PLEC: variants seen among roughly 807,000 people sequenced by gnomAD.
PLEC encodes plectin, also known as hemidesmosomal protein 1.
PLEC carries 216 observed loss-of-function variants against 392.8 expected under a neutral mutation model. That is an observed-to-expected ratio of 0.55 (90% confidence interval 0.49 to 0.62). The LOEUF (loss-of-function observed/expected upper bound fraction) is 0.62, where lower values mean the gene tolerates loss of function less well. Among genes scored for constraint, PLEC ranks in the 20% least tolerant of loss-of-function variants. PLEC has a pLI of 0.00. For synonymous variants in PLEC, 3,621 were observed against 2,980.6 expected, an observed-to-expected ratio of 1.21 and a Z score of -7.00; for missense variants, 6,863 against 6,563.4, an observed-to-expected ratio of 1.05 and a Z score of -1.58.
chr8:143,931,813 G>A, intron 18 of PLEC, 124 bp downstream of exon 18: 1 of 1,435,634 alleles, frequency 7.0e-7, no homozygotes, highest in Non-Finnish European at 9.6e-7. Flanking sequence ...CCCCGGTCAG[G>A]CTGCAGGCAG....
At chr8:143,958,837 AC>A, upstream of PLEC, 1 of 269,552 alleles carries the variant, frequency 3.7e-6, no homozygotes, top group Non-Finnish European at 7.9e-6. The surrounding 1 kb of genome is among the most constrained non-coding windows in gnomAD (Gnocchi z 4.9). Flanking sequence ...CTCACCCAGC[AC>A]CAGACACGAA....
chr8:143,932,255 C>T (rs1827545755), intron 16 of PLEC, 21 bp from the exon 17 acceptor site: 2 of 1,611,244 alleles, frequency 1.2e-6, no homozygotes, highest in African/African-American at 2.7e-5. Context: ...AGCAAAGGGT[C>T]TCAGGGACGG....
At position 143,933,890 on chromosome 8, in the gene PLEC, C is replaced by T. The variant is rs1828137843; in HGVS notation, c.1263+108G>A. The T allele has an allele frequency of 3.1e-6, 3 of 971,906 alleles. No homozygotes were observed. The East Asian group carries it at 7.9e-5, about 25-fold the overall frequency. 60.2% of individuals were successfully genotyped at this position (971,906 alleles called of 1,614,324 possible). On this transcript the variant is annotated intron_variant, in intron 12 of 31. Coordinates refer to ENST00000345136, the MANE Select transcript of PLEC (RefSeq NM_201384.3). The stretch of plus-strand genomic sequence containing the variant: ...ACATGCCCCGCCCCTGCCCCTGCCC[C>T]TGCCCCAGGAGCCCAGGGGGACAGC...
In PLEC at chr8:143,971,606, CAG is replaced by C. The variant is rs1833434960; in HGVS notation, c.70+1795_70+1796del. 2.0e-5 allele frequency among the ~76,000 whole-genome samples: 3 copies of C among 152,318 alleles called. 1 individual carries two copies. In the South Asian group the frequency reaches 6.2e-4, roughly 32 times the overall value. On this transcript the variant is annotated intron_variant, in intron 1 of 31. Transcript: ENST00000356346. ...AGCCTTGGTCCGTGGCTCCCAGACA[CAG>C]GTACCAGCCCAGCCCCTCCCGTCCC...
rs1554680235 is a variant in PLEC at position 143,920,022 on chromosome 8, G to A, written c.9799C>T (p.Arg3267Trp). Residue 3267 changes from arginine to tryptophan, a missense_variant, in exon 32 of 32, where the codon CGG (arginine) becomes TGG (tryptophan). Coordinates refer to ENST00000345136, the MANE Select transcript of PLEC (RefSeq NM_201384.3). ...ISSEYFTAEQRQELLRQFRTG... is the reference protein window; with the variant it reads ...ISSEYFTAEQWQELLRQFRTG... Reference sequence around the variant, plus strand: ...CGGAACTGACGCAACAGCTCCTGCCGCTGCTCCGCAGTGAAGTACTCAGAG... The same window carrying A: ...CGGAACTGACGCAACAGCTCCTGCCACTGCTCCGCAGTGAAGTACTCAGAG... The A allele has an allele frequency of 5.0e-6, 8 of 1,613,232 alleles. No individual in the cohort carries two copies. The South Asian group carries it at 6.6e-5, about 13-fold the overall frequency.
At chr8:143,942,449 C>T (rs782528752), upstream of PLEC, 7 of 1,602,800 alleles carry the variant, frequency 4.4e-6, no homozygotes, top group South Asian at 7.7e-5. Flanking sequence ...CAGCCCCCGT[C>T]CAGCCAGCAC....
In PLEC at chr8:143,923,546, C is replaced by T. The variant is rs201895791; in HGVS notation, c.6383G>A (p.Arg2128Gln). 1.2e-4 allele frequency: 185 copies of T among 1,598,076 alleles called. No individual in the cohort carries two copies. Among genetic ancestry groups the T allele is most frequent in the African/African-American group, 9.4e-4 (70 of 74,716 alleles). ...KQSAEEQAQA[R>Q]AQAQAAAEKL... ...CTCTGCAGCCGCCTGTGCCTGAGCC[C>T]GGGCCTGTGCCTGCTCCTCTGCCGA... Residue 2128 changes from arginine (R) to glutamine (Q), a missense_variant, in exon 31 of 32, where the codon CGG becomes CAG. Transcript: ENST00000345136.
intron 18 of PLEC, 46 bp downstream of exon 18, chr8:143,931,891 C>A (rs1554715799): frequency 5.8e-6 from 9 of 1,540,184 alleles, no homozygotes; most frequent in Non-Finnish European, 4.4e-6. Flanking sequence ...GGGGCTCCTG[C>A]AAGGCTGCCG....
Position 143,932,865 on chromosome 8 carries a change from C to T in PLEC, c.1665G>A (p.Leu555=). 6.2e-7 allele frequency: 1 copy of T among 1,611,496 alleles called. No homozygotes were observed. Among genetic ancestry groups the T allele is most frequent in the Non-Finnish European group, 8.5e-7 (1 of 1,179,512 alleles). The part of the protein sequence containing the change: ...GVDLPSVEAQ[L]GSHRGLHQSI... ...ACTGGTGCAGGCCTCGGTGGCTGCC[C>T]AGCTGCGCCTCCACGCTGGGCAGGT... The change falls in exon 14 of 32, where the codon CTG becomes CTA. Residue 555 remains leucine (L), a synonymous_variant. Coordinates refer to ENST00000345136, the MANE Select transcript of PLEC (RefSeq NM_201384.3).
At position 143,923,573 on chromosome 8, in the gene PLEC, T is replaced by G. The variant is rs782129642; in HGVS notation, c.6356A>C (p.Gln2119Pro). The change falls in exon 31 of 32, where the codon CAG becomes CCG. Residue 2119 changes from glutamine (Q) to proline (P), a missense_variant. Physicochemically the swap from Gln to Pro is moderately conservative, Grantham distance 76 (BLOSUM62 -1). Coordinates refer to ENST00000345136, the MANE Select transcript of PLEC (RefSeq NM_201384.3). ...RQVEEAERLK[Q>P]SAEEQAQARA... ...GGCCTGTGCCTGCTCCTCTGCCGAC[T>G]GCTTCAGCCGCTCGGCCTCTTCCAC... The G allele has an allele frequency of 6.3e-7, 1 of 1,596,568 alleles. No individual in the cohort carries two copies. Among genetic ancestry groups the G allele is most frequent in the Admixed American group, 1.7e-5 (1 of 59,784 alleles).
chr8:143,927,522 C>T lies in PLEC; in HGVS notation c.3644G>A (p.Ser1215Asn). ...LGRQLRYYRE[S>N]ADPLGAWLQD... ...CAGCCAGGCGCCCAAGGGGTCTGCA[C>T]TCTCGCGGTAGTAACGCAGCTGGCG... The change falls in exon 27 of 32, where the codon AGT becomes AAT. Residue 1215 changes from serine (S) to asparagine (N), a missense_variant. Physicochemically the swap from Ser to Asn is conservative, Grantham distance 46. Coordinates refer to ENST00000345136, the MANE Select transcript of PLEC (RefSeq NM_201384.3). The T allele has an allele frequency of 3.8e-6, 6 of 1,597,522 alleles. No homozygotes were observed. The highest frequency in any genetic ancestry group is 5.1e-6 in the Non-Finnish European group (6 of 1,179,044).
chr8:143,960,009 G>A (rs915398836), intron 1 of PLEC, among the ~76,000 whole-genome samples: 22 of 151,730 alleles, frequency 1.4e-4, no homozygotes, highest in African/African-American at 4.8e-4. Context: ...GGCCAGGCAC[G>A]CGGTGGCTCA....
chr8:143,930,853 C>G (rs1287253223), intron 19 of PLEC, among the ~76,000 whole-genome samples: 1 of 152,192 alleles, frequency 6.6e-6, no homozygotes, highest in Non-Finnish European at 1.5e-5. Context: ...AAGGTACTGC[C>G]TCCTCCCATC....
upstream of PLEC, chr8:143,942,509 C>T: frequency 6.3e-7 from 1 of 1,575,380 alleles, no homozygotes; most frequent in Non-Finnish European, 8.6e-7. Flanking sequence ...CCCCCCGCCC[C>T]CGACATGCCG....
intron 1 of PLEC, among the ~76,000 whole-genome samples, chr8:143,948,198 G>A (rs1388253154): frequency 6.6e-6 from 1 of 152,240 alleles, no homozygotes; most frequent in Non-Finnish European, 1.5e-5. Context: ...CAGGGGTACA[G>A]CTGGTGCTCC....
Position 143,923,731 on chromosome 8 carries a change from C to G in PLEC, c.6198G>C (p.Gln2066His). The change falls in exon 31 of 32, where the codon CAG (glutamine) becomes CAC (histidine). Residue 2066 changes from glutamine to histidine, a missense_variant. Coordinates refer to ENST00000345136, the MANE Select transcript of PLEC (RefSeq NM_201384.3). ...CGCTCTGCTCCTGCTGCAGCGTCTG[C>G]TGTAGCTCCTGCTCCTTCTGCTGCA... The part of the protein sequence containing the change: ...FAVQQKEQEL[Q>H]QTLQQEQSVL... 6.5e-7 allele frequency: 1 copy of G among 1,545,746 alleles called. No homozygotes were observed. The highest frequency in any genetic ancestry group is 1.9e-5 in the Admixed American group (1 of 52,554).
intron 1 of PLEC, among the ~76,000 whole-genome samples, chr8:143,962,692 T>A (rs145764691): frequency 6.6e-6 from 1 of 152,216 alleles, no homozygotes; most frequent in African/African-American, 2.4e-5. Context: ...GCTTCTCACA[T>A]TGAAGCGAAA....
chr8:143,955,964 T>G (rs1356632037), upstream of PLEC, among the ~76,000 whole-genome samples: 4 of 127,674 alleles, frequency 3.1e-5, no homozygotes, highest in Non-Finnish European at 6.6e-5. Context: ...TTTTTTTTTT[T>G]AACTGAGGCA....
At chr8:143,960,964 C>T (rs1199124547) in intron 1 of PLEC, among the ~76,000 whole-genome samples, 5 of 152,238 alleles carry the variant, frequency 3.3e-5, no homozygotes, top group South Asian at 4.1e-4. Flanking sequence ...CCGCTCTGCA[C>T]GGGGACCGTG....
Sources: allele counts gnomAD v4.1 joint callset (sites outside exome capture counted in the v4.1 genomes callset), GRCh38; gene constraint gnomAD v4.1.1; non-coding constraint Gnocchi (gnomAD v3.1); transcripts MANE v1.5; gene names NCBI Gene and HGNC (gene_info 2026-07-23, HGNC 2026-07-21).